CLPB: variants seen among roughly 807,000 people sequenced by gnomAD.
CLPB encodes the protein ClpB family mitochondrial disaggregase, also known as mitochondrial disaggregase.
A neutral mutation model predicts 78.4 loss-of-function variants in CLPB; 40 were observed. The ratio of observed to expected loss-of-function variants is 0.51; its 90% CI spans 0.40 to 0.66. The LOEUF (loss-of-function observed/expected upper bound fraction) is 0.66, where lower values mean the gene tolerates loss of function less well. Ranked by LOEUF, CLPB falls within the 30% of genes least tolerant of loss-of-function variation. The pLI is 0.00. For synonymous variants in CLPB, 333 were observed against 348.0 expected (o/e 0.96, Z 0.48); for missense variants, 780 against 886.9 (o/e 0.88, Z 1.53).
intron 4 of CLPB, among the ~76,000 whole-genome samples, chr11:72,372,638 G>A (rs545141631): frequency 2.6e-5 from 4 of 152,088 alleles, no homozygotes; most frequent in Non-Finnish European, 4.4e-5. Flanking sequence ...GCAAAACCTC[G>A]GGTCCCACCC....
chr11:72,405,702 G>T (rs1200490006), intron 2 of CLPB, among the ~76,000 whole-genome samples: 1 of 152,158 alleles, frequency 6.6e-6, no homozygotes, highest in Non-Finnish European at 1.5e-5. Context: ...GCCAAGGCAG[G>T]TGGATCACGA....
intron 5 of CLPB, among the ~76,000 whole-genome samples, chr11:72,348,513 GCTTC>G (rs980700756): frequency 6.6e-6 from 1 of 152,086 alleles, no homozygotes; most frequent in Non-Finnish European, 1.5e-5. Flanking sequence ...CACCTGAAAA[GCTTC>G]CTTCCTTCTC....
intron 2 of CLPB, among the ~76,000 whole-genome samples, chr11:72,409,810 T>G (rs535332675): frequency 5.3e-5 from 8 of 152,090 alleles, no homozygotes; most frequent in African/African-American, 1.9e-4. Flanking sequence ...AAACCCCGTC[T>G]CTACTAAATA....
At chr11:72,392,072 C>A (rs1037043341) in intron 3 of CLPB, among the ~76,000 whole-genome samples, 1 of 151,894 alleles carries the variant, frequency 6.6e-6, no homozygotes, top group African/African-American at 2.4e-5. Context: ...TTGGGCCAGG[C>A]GCGTGTCAAA....
intron 6 of CLPB, among the ~76,000 whole-genome samples, chr11:72,328,751 C>T (rs1226537021): frequency 6.6e-6 from 1 of 152,230 alleles, no homozygotes; most frequent in East Asian, 1.9e-4. Context: ...GACCTGTAGT[C>T]AAGCCTATTA....
chr11:72,327,401 T>C (rs1303323314), intron 6 of CLPB, among the ~76,000 whole-genome samples: 2 of 152,224 alleles, frequency 1.3e-5, no homozygotes, highest in South Asian at 2.1e-4. Context: ...GTGTCTGTAA[T>C]TGCCCTCCAT....
chr11:72,349,869 G>A (rs956938062), intron 5 of CLPB, among the ~76,000 whole-genome samples: 2 of 152,236 alleles, frequency 1.3e-5, no homozygotes, highest in Non-Finnish European at 2.9e-5. Flanking sequence ...TGGCCCAGCC[G>A]ATGCTGACCT....
chr11:72,327,477 C>T (rs1191384234), intron 6 of CLPB, among the ~76,000 whole-genome samples: 1 of 152,214 alleles, frequency 6.6e-6, no homozygotes, highest in African/African-American at 2.4e-5. Flanking sequence ...GACATTAGCC[C>T]TGTAATAATG....
chr11:72,353,916 A>G (rs1950658896), intron 5 of CLPB, among the ~76,000 whole-genome samples: 1 of 150,890 alleles, frequency 6.6e-6, no homozygotes, highest in Non-Finnish European at 1.5e-5. Flanking sequence ...AGTTAAAAGC[A>G]TTAGTATGGT....
chr11:72,345,450 G>T (rs1312177598), intron 5 of CLPB, among the ~76,000 whole-genome samples: 1 of 152,158 alleles, frequency 6.6e-6, no homozygotes, highest in East Asian at 1.9e-4. Context: ...TGTGTAGGCA[G>T]AAAAGTGAAA....
intron 5 of CLPB, among the ~76,000 whole-genome samples, chr11:72,337,393 A>G (rs1428212942): frequency 6.6e-6 from 1 of 152,062 alleles, no homozygotes; most frequent in Non-Finnish European, 1.5e-5. Context: ...TGGTGAAGAC[A>G]GCAGGAGACA....
chr11:72,344,386 T>G (rs1357523378), intron 5 of CLPB, among the ~76,000 whole-genome samples: 1 of 151,896 alleles, frequency 6.6e-6, no homozygotes, highest in Non-Finnish European at 1.5e-5. Flanking sequence ...TTTGTATTTT[T>G]TTTTTTGTAG....
intron 2 of CLPB, chr11:72,428,863 C>T (rs182669819): frequency 2.6e-5 from 4 of 152,312 alleles, no homozygotes; most frequent in East Asian, 1.9e-4. Context: ...ATTAGAAAAA[C>T]ATGTATTTGA....
At chr11:72,381,309 G>A (rs1854906483) in intron 3 of CLPB, among the ~76,000 whole-genome samples, 1 of 152,116 alleles carries the variant, frequency 6.6e-6, no homozygotes, top group South Asian at 2.1e-4. Flanking sequence ...TCAGTGCCTG[G>A]AAGGCTCCCA....
intron 4 of CLPB, among the ~76,000 whole-genome samples, chr11:72,372,637 C>T (rs895848431): frequency 1.3e-5 from 2 of 152,174 alleles, no homozygotes; most frequent in African/African-American, 4.8e-5. Flanking sequence ...CGCAAAACCT[C>T]GGGTCCCACC....
At chr11:72,305,416 T>G (rs1315416269) in intron 9 of CLPB, among the ~76,000 whole-genome samples, 1 of 152,242 alleles carries the variant, frequency 6.6e-6, no homozygotes, top group Admixed American at 6.5e-5. Flanking sequence ...GAATAGGCAC[T>G]TGCTGTGTGC....
In CLPB at chr11:72,295,655, A is replaced by G; in HGVS notation, c.1330-7T>C. On this transcript the variant is annotated splice_region_variant and splice_polypyrimidine_tract_variant and intron_variant, in intron 11 of 15. Coordinates refer to ENST00000538039, the MANE Select transcript of CLPB (RefSeq NM_001258392.3). ...TTCCATCTGTCAGCCGGCCCTGGGA[A>G]GGGAAGGAAGGGAGTGTACAGTCAG... 6.2e-7 allele frequency: 1 copy of G among 1,613,616 alleles called. No homozygotes were observed. The highest frequency in any genetic ancestry group is 2.2e-5 in the East Asian group (1 of 44,882).
chr11:72,369,973 T>C (rs1428831967), intron 4 of CLPB, among the ~76,000 whole-genome samples: 1 of 152,108 alleles, frequency 6.6e-6, no homozygotes, highest in Non-Finnish European at 1.5e-5. Flanking sequence ...CCGTCATCTG[T>C]AAAAAATGTC....
At chr11:72,360,153 T>G (rs553547813) in intron 4 of CLPB, among the ~76,000 whole-genome samples, 1 of 152,306 alleles carries the variant, frequency 6.6e-6, no homozygotes, top group South Asian at 2.1e-4. Context: ...GGCAACTGTC[T>G]TACATTCCCT....
Sources: gnomAD v4.1 joint callset for allele counts (sites outside exome capture counted in the v4.1 genomes callset) on GRCh38, gnomAD v4.1.1 for gene constraint, MANE v1.5 for transcripts, NCBI Gene and HGNC (gene_info 2026-07-23, HGNC 2026-07-21) for gene names.